Variants in ADORA1 observed in about 807,000 individuals in gnomAD.
ADORA1 encodes the protein adenosine A1 receptor, also known as adenosine receptor A1.
In ADORA1, 6 loss-of-function variants were observed where a neutral mutation model predicts 19.9. The observed-to-expected ratio is 0.30, with a 90% CI of 0.17 to 0.59. The LOEUF is 0.59. Ranked by LOEUF, ADORA1 falls within the 20% of genes least tolerant of loss-of-function variation. ADORA1 has a pLI of 0.87. For missense variants in ADORA1, 302 were observed against 439.2 expected, an observed-to-expected ratio of 0.69 and a Z score of 2.79; for synonymous variants, 194 against 188.4, an observed-to-expected ratio of 1.03 and a Z score of -0.24.
intron 3 of ADORA1, among the ~76,000 whole-genome samples, chr1:203,152,030 C>T (rs1388962311): frequency 6.6e-6 from 1 of 152,128 alleles, no homozygotes; most frequent in Non-Finnish European, 1.5e-5. Context: ...TAGCGCTGAG[C>T]TCAGCTCTCT....
rs200564867 is a variant in ADORA1 at position 203,165,675 on chromosome 1, C to G, written c.756C>G (p.Ile252Met). 5.0e-5 allele frequency: 81 copies of G among 1,609,586 alleles called. No individual in the cohort carries two copies. The highest frequency in any genetic ancestry group is 6.9e-5 in the Non-Finnish European group (81 of 1,176,906). ...CCCTCAGCTGGCTGCCTTTGCACAT[C>G]CTCAACTGCATCACCCTCTTCTGCC... ...LFALSWLPLH[I>M]LNCITLFCPS... The change falls in exon 4 of 4, where the codon ATC becomes ATG. Residue 252 changes from isoleucine (I) to methionine (M), a missense_variant. Coordinates refer to ENST00000337894, the MANE Select transcript of ADORA1 (RefSeq NM_000674.3). This position sits in a 1 kb window ranked among gnomAD's most constrained non-coding sequence, Gnocchi z 5.9.
At chr1:203,158,537 T>C (rs1188360571) in intron 3 of ADORA1, among the ~76,000 whole-genome samples, 1 of 152,218 alleles carries the variant, frequency 6.6e-6, no homozygotes, top group Admixed American at 6.5e-5. Context: ...GCTCCATTTA[T>C]GGCAGTCTGG....
Position 203,128,314 on chromosome 1 carries a change from T to C in ADORA1, c.-176T>C, listed in dbSNP as rs200795461. 1 of 1,286,344 alleles carries C rather than the reference T, an allele frequency of 7.8e-7. No individual in the cohort carries two copies. The highest frequency in any genetic ancestry group is 2.2e-4 in the Middle Eastern group (1 of 4,562). 79.7% of individuals were successfully genotyped at this position (1,286,344 alleles called of 1,614,324 possible). ...AGCGCTGCGGCGGGAGCCGGAGGAC[T>C]ATGAGCTGCCGCGCGTTGTCCAGAG... On this transcript the variant is annotated 5_prime_UTR_variant, in exon 2 of 4. Transcript: ENST00000337894. The surrounding 1 kb of genome is among the most constrained non-coding windows in gnomAD (Gnocchi z 5.9).
intron 3 of ADORA1, among the ~76,000 whole-genome samples, chr1:203,149,635 C>T (rs909334096): frequency 6.6e-6 from 1 of 152,100 alleles, no homozygotes; most frequent in African/African-American, 2.4e-5. Context: ...GTGGTTGAGG[C>T]GGGACCTTCG....
At chr1:203,157,742 A>G (rs1366066968) in intron 3 of ADORA1, among the ~76,000 whole-genome samples, 1 of 152,180 alleles carries the variant, frequency 6.6e-6, no homozygotes, top group African/African-American at 2.4e-5. Flanking sequence ...CACTGCCAAG[A>G]CCTACCTACC....
At chr1:203,130,861 T>C (rs987981710) in intron 3 of ADORA1, among the ~76,000 whole-genome samples, 1 of 152,166 alleles carries the variant, frequency 6.6e-6, no homozygotes, top group African/African-American at 2.4e-5. Context: ...AGGCAGCTGC[T>C]GTGGCTTTGG....
At chr1:203,164,133 A>G (rs11576067) in intron 3 of ADORA1, among the ~76,000 whole-genome samples, 7,047 of 152,322 alleles carry the variant, frequency 0.046, 238 homozygotes, top group South Asian at 0.1. Flanking sequence ...GAAAACGCCC[A>G]ACCCTTGTGG....
chr1:203,130,680 G>A (rs534583699), intron 3 of ADORA1, among the ~76,000 whole-genome samples: 1 of 152,348 alleles, frequency 6.6e-6, no homozygotes, highest in East Asian at 1.9e-4. Context: ...TGCCACATTT[G>A]GAAACTCATG....
At chr1:203,137,467 G>C (rs1437138904) in intron 3 of ADORA1, among the ~76,000 whole-genome samples, 1 of 152,148 alleles carries the variant, frequency 6.6e-6, no homozygotes, top group Non-Finnish European at 1.5e-5. Flanking sequence ...ATCTGACTTA[G>C]GCTTTAAAGG....
chr1:203,146,581 A>C (rs1571796084), intron 3 of ADORA1, among the ~76,000 whole-genome samples: 1 of 150,464 alleles, frequency 6.6e-6, no homozygotes, highest in East Asian at 2.0e-4. Flanking sequence ...GTGGGCCATG[A>C]GTGCCACTGC....
intron 3 of ADORA1, among the ~76,000 whole-genome samples, chr1:203,131,982 T>C (rs1216686776): frequency 1.3e-5 from 2 of 152,228 alleles, no homozygotes; most frequent in Non-Finnish European, 2.9e-5. Flanking sequence ...TACAGGTGTC[T>C]GCTGGCTATC....
chr1:203,165,636 C>A lies in ADORA1; in HGVS notation c.717C>A (p.Ile239=). The A allele has an allele frequency of 6.2e-7, 1 of 1,611,568 alleles. No homozygotes were observed. Among genetic ancestry groups the A allele is most frequent in the Non-Finnish European group, 8.5e-7 (1 of 1,178,096 alleles). Residue 239 remains isoleucine (I), a synonymous_variant, in exon 4 of 4, where the codon ATC becomes ATA. Coordinates refer to ENST00000337894, the MANE Select transcript of ADORA1 (RefSeq NM_000674.3). This position sits in a 1 kb window ranked among gnomAD's most constrained non-coding sequence, Gnocchi z 5.9. ...ELKIAKSLAL[I]LFLFALSWLP... Reference sequence around the variant, plus strand: ...AGATCGCCAAGTCGCTGGCCCTCATCCTCTTCCTCTTTGCCCTCAGCTGGC... The same window carrying A: ...AGATCGCCAAGTCGCTGGCCCTCATACTCTTCCTCTTTGCCCTCAGCTGGC...
intron 3 of ADORA1, among the ~76,000 whole-genome samples, chr1:203,164,656 C>A (rs1655475025): frequency 6.6e-6 from 1 of 151,850 alleles, no homozygotes; most frequent in African/African-American, 2.4e-5. Flanking sequence ...GGGACAAGGC[C>A]AAGGGAAGGG....
chr1:203,151,788 G>GCATTCATTCATT (rs34226911), intron 3 of ADORA1, among the ~76,000 whole-genome samples: 19,026 of 151,244 alleles, frequency 0.13, 1,571 homozygotes, highest in Non-Finnish European at 0.19. Context: ...ATGCATGCAT[G>GCATTCATTCATT]CATTCATTCA....
At position 203,128,249 on chromosome 1, in the gene ADORA1, C is replaced by G; in HGVS notation, c.-212-29C>G. 1 of 1,136,152 alleles carries G rather than the reference C, an allele frequency of 8.8e-7. No individual in the cohort carries two copies. The highest frequency in any genetic ancestry group is 1.4e-5 in the South Asian group (1 of 72,064). 70.4% of individuals were successfully genotyped at this position (1,136,152 alleles called of 1,614,324 possible). Reference sequence around the variant, plus strand: ...TCTTTAAAAGCGTCCGGGGCTGAGTCTCTGCCGTACCATGTGATTGCTTGA... The same window carrying G: ...TCTTTAAAAGCGTCCGGGGCTGAGTGTCTGCCGTACCATGTGATTGCTTGA... On this transcript the variant is annotated intron_variant, in intron 1 of 3. Coordinates refer to ENST00000337894, the MANE Select transcript of ADORA1 (RefSeq NM_000674.3). The surrounding 1 kb of genome is among the most constrained non-coding windows in gnomAD (Gnocchi z 5.9).
intron 3 of ADORA1, among the ~76,000 whole-genome samples, chr1:203,130,370 C>T (rs1654293373): frequency 6.6e-6 from 1 of 152,248 alleles, no homozygotes; most frequent in South Asian, 2.1e-4. Flanking sequence ...AACTAAGACT[C>T]AGAGGGTCTC....
At chr1:203,139,855 C>T (rs1413394588) in intron 3 of ADORA1, among the ~76,000 whole-genome samples, 2 of 152,166 alleles carry the variant, frequency 1.3e-5, no homozygotes, top group East Asian at 1.9e-4. Flanking sequence ...TTCTCCAAAA[C>T]CCCACGTCGA....
Position 203,128,660 on chromosome 1 carries a change from A to G in ADORA1, c.-57-125A>G. ...CAGAGAAGGGTCCGGGTGCCCCTCC[A>G]GCCTGGGTAGGAGCTGCATGTGACA... On this transcript the variant is annotated intron_variant, in intron 2 of 3. Coordinates refer to ENST00000337894, the MANE Select transcript of ADORA1 (RefSeq NM_000674.3). The surrounding 1 kb of genome is among the most constrained non-coding windows in gnomAD (Gnocchi z 5.9). 1 of 1,211,750 alleles carries G rather than the reference A, an allele frequency of 8.3e-7. No homozygotes were observed. The highest frequency in any genetic ancestry group is 2.6e-5 in the East Asian group (1 of 38,960). The allele number at this position is 1,211,750 out of a possible 1,614,324, so 75.1% of individuals were successfully genotyped here. A position where few individuals can be genotyped will look rare whatever the true frequency, so the allele number is the denominator to read the frequency against.
intron 3 of ADORA1, among the ~76,000 whole-genome samples, chr1:203,131,792 C>A (rs1250662161): frequency 6.6e-6 from 1 of 152,228 alleles, no homozygotes; most frequent in African/African-American, 2.4e-5. Context: ...GAACAGCATG[C>A]TTTGCTCCCC....
Sources: allele counts gnomAD v4.1 joint callset (sites outside exome capture counted in the v4.1 genomes callset), GRCh38; gene constraint gnomAD v4.1.1; non-coding constraint Gnocchi (gnomAD v3.1); transcripts MANE v1.5; gene names NCBI Gene and HGNC (gene_info 2026-07-23, HGNC 2026-07-21).